The following DOCK7 variants were observed in gnomAD, a reference collection of about 807,000 sequenced individuals.
The protein encoded by DOCK7 is dedicator of cytokinesis protein 7.
DOCK7 carries 138 observed loss-of-function variants against 271.0 expected under a neutral mutation model. The observed-to-expected ratio is 0.51, with a 90% CI of 0.44 to 0.59. DOCK7 has a LOEUF of 0.59. Ranked by LOEUF, DOCK7 falls within the 20% of genes least tolerant of loss-of-function variation. The pLI, the probability that DOCK7 is intolerant of heterozygous loss-of-function variation, is 0.00. For missense variants in DOCK7, 2,066 were observed against 2,592.4 expected (o/e 0.80, Z 4.41); for synonymous variants, 823 against 876.1 (o/e 0.94, Z 1.07).
intron 43 of DOCK7, chr1:62,485,550 T>C (rs1646268320): frequency 1.0e-6 from 1 of 985,270 alleles, no homozygotes. Flanking sequence ...CAGTGAAAGA[T>C]CTACCAGAAT....
At chr1:62,613,684 C>T (rs1467091646) in intron 14 of DOCK7, among the ~76,000 whole-genome samples, 1 of 152,080 alleles carries the variant, frequency 6.6e-6, no homozygotes, top group Non-Finnish European at 1.5e-5. Context: ...AGTTCTCTTT[C>T]CTACGATTTC....
At chr1:62,611,857 T>A (rs1306772892) in intron 14 of DOCK7, among the ~76,000 whole-genome samples, 1 of 151,966 alleles carries the variant, frequency 6.6e-6, no homozygotes, top group East Asian at 1.9e-4. Flanking sequence ...TTAAAAGTCC[T>A]TATCTGGCCA....
chr1:62,641,031 C>A, intron 7 of DOCK7: 1 of 171,986 alleles, frequency 5.8e-6, no homozygotes. Context: ...CCTGGACTGC[C>A]CCTCCTGGAT....
At chr1:62,625,870 A>C (rs1025681144) in intron 11 of DOCK7, among the ~76,000 whole-genome samples, 1 of 152,220 alleles carries the variant, frequency 6.6e-6, no homozygotes, top group African/African-American at 2.4e-5. Context: ...CTTGCACAAA[A>C]CTATAAACAA....
chr1:62,534,035 A>G (rs1284133434), intron 29 of DOCK7, among the ~76,000 whole-genome samples: 7 of 151,196 alleles, frequency 4.6e-5, no homozygotes, highest in East Asian at 2.0e-4. Flanking sequence ...GTCTTGCTCT[A>G]TCACCCAGGA....
intron 1 of DOCK7, among the ~76,000 whole-genome samples, chr1:62,670,602 T>C (rs1659866939): frequency 1.3e-5 from 2 of 152,146 alleles, no homozygotes; most frequent in Non-Finnish European, 2.9e-5. Flanking sequence ...TCAAGGTTTG[T>C]GAGTGCACCA....
intron 31 of DOCK7, among the ~76,000 whole-genome samples, chr1:62,517,367 G>A (rs936556571): frequency 2.0e-5 from 3 of 152,132 alleles, no homozygotes; most frequent in Non-Finnish European, 4.4e-5. Context: ...AGGCTGAGGC[G>A]GGTGGATCAC....
In DOCK7 at chr1:62,529,358, T is replaced by A; in HGVS notation, c.3700A>T (p.Ile1234Leu). ...DSDPRYSDPQ[I>L]KARVAMLYLP... ...TACAACATGGCCACTCGAGCCTTTA[T>A]CTGAGGGTCAGAGTACCGCGGGTCT... Residue 1234 changes from isoleucine to leucine, a missense_variant, in exon 30 of 50, where the codon ATA becomes TTA. Transcript: ENST00000635253. 6.2e-7 allele frequency: 1 copy of A among 1,613,888 alleles called. No individual in the cohort carries two copies. The highest frequency in any genetic ancestry group is 1.1e-5 in the South Asian group (1 of 91,052).
chr1:62,488,086 G>A (rs563773959), intron 42 of DOCK7: 55 of 152,458 alleles, frequency 3.6e-4, no homozygotes, highest in African/African-American at 1.3e-3. Flanking sequence ...AAGAGGTCAA[G>A]CTGATAGGTA....
chr1:62,491,277 T>C (rs1266641364), intron 41 of DOCK7, among the ~76,000 whole-genome samples: 1 of 152,116 alleles, frequency 6.6e-6, no homozygotes, highest in Non-Finnish European at 1.5e-5. Context: ...GCAGTAGAAA[T>C]GGGGAAAGAG....
intron 9 of DOCK7, 124 bp from the exon 10 acceptor site, chr1:62,633,702 T>C: frequency 1.5e-6 from 1 of 660,314 alleles, no homozygotes; most frequent in African/African-American, 1.8e-5. Flanking sequence ...GACATCTCAA[T>C]TGCTGTAGAA....
In DOCK7 at chr1:62,476,086, C is replaced by T. The variant is rs1416952320; in HGVS notation, c.5705G>A (p.Cys1902Tyr). 16 of 1,612,958 alleles carry T rather than the reference C, an allele frequency of 9.9e-6. No homozygotes were observed. The highest frequency in any genetic ancestry group is 1.1e-5 in the Non-Finnish European group (13 of 1,179,492). Reference sequence around the variant, plus strand: ...CTATACCTTGTTAGGATCTAATTTACACTTGTCTACAGGATTAGAGTCTTT... The same window carrying T: ...CTATACCTTGTTAGGATCTAATTTATACTTGTCTACAGGATTAGAGTCTTT... ...VIKDSNPVDK[C>Y]KLDPNKAYIQ... The change falls in exon 45 of 50, where the codon TGT (cysteine) becomes TAT (tyrosine). Residue 1902 changes from cysteine (C) to tyrosine (Y), a missense_variant. By Grantham distance (194) the Cys-to-Tyr change is radical. This residue lies in a region of DOCK7 where 652 missense variants were observed against 922.1 expected (regional missense o/e 0.71). Transcript: ENST00000635253.
intron 36 of DOCK7, among the ~76,000 whole-genome samples, chr1:62,505,189 T>G (rs187475162): frequency 6.6e-6 from 1 of 152,328 alleles, no homozygotes; most frequent in South Asian, 2.1e-4. Context: ...ATGAAATAGC[T>G]ACCTTCAAAA....
In DOCK7 at chr1:62,455,466, A is replaced by T. The variant is rs769604812; in HGVS notation, c.6381-10T>A. ...TCGACTGAAGGAATCTCTGGGAAAA[A>T]AATGAGAGGACATAGTTAGTTAAAG... is the stretch of plus-strand genomic sequence containing the variant. On this transcript the variant is annotated splice_polypyrimidine_tract_variant and intron_variant, in intron 49 of 49. Coordinates refer to ENST00000635253, the MANE Select transcript of DOCK7 (RefSeq NM_001367561.1). 17 of 1,613,186 alleles carry T rather than the reference A, an allele frequency of 1.1e-5. No homozygotes were observed. Among genetic ancestry groups the T allele is most frequent in the Non-Finnish European group, 1.4e-5 (17 of 1,179,534 alleles).
intron 12 of DOCK7, among the ~76,000 whole-genome samples, chr1:62,620,499 T>G (rs934598294): frequency 6.6e-6 from 1 of 152,010 alleles, no homozygotes; most frequent in East Asian, 1.9e-4. Context: ...TTACTAAGAT[T>G]TAATAATACC....
chr1:62,554,474 A>C (rs1431190106), intron 21 of DOCK7, among the ~76,000 whole-genome samples: 1 of 2,042 alleles, frequency 4.9e-4, no homozygotes, highest in African/African-American at 9.9e-4. Context: ...TCCATCTCAA[A>C]AAAAAAAAAA....
intron 43 of DOCK7, chr1:62,479,614 G>C (rs1015118710): frequency 1.9e-5 from 3 of 155,876 alleles, no homozygotes; most frequent in African/African-American, 7.2e-5. Context: ...TTAAAAATTT[G>C]TCATTTTTTT....
intron 1 of DOCK7, among the ~76,000 whole-genome samples, chr1:62,679,206 A>G (rs61778361): frequency 6.6e-6 from 1 of 152,164 alleles, no homozygotes; most frequent in Non-Finnish European, 1.5e-5. Flanking sequence ...ATATGGATGA[A>G]TATCTTAATA....
chr1:62,604,317 A>G, intron 14 of DOCK7: 1 of 1,538,422 alleles, frequency 6.5e-7, no homozygotes, highest in Non-Finnish European at 8.9e-7. Flanking sequence ...TGCAATGACA[A>G]CTTTTAAAAA....
Sources: gnomAD v4.1 joint callset for allele counts (sites outside exome capture counted in the v4.1 genomes callset) on GRCh38, gnomAD v4.1.1 for gene constraint, gnomAD v4.1.1 regional missense constraint, MANE v1.5 for transcripts, NCBI Gene and HGNC (gene_info 2026-07-23, HGNC 2026-07-21) for gene names.